The following GSAP variants were observed in gnomAD, a reference collection of about 807,000 sequenced individuals.
GSAP encodes the protein gamma-secretase activating protein.
In GSAP, 118 loss-of-function variants were observed where a neutral mutation model predicts 131.7. The observed-to-expected ratio is 0.90, with a 90% CI of 0.77 to 1.04. The LOEUF is 1.04. Among genes scored for constraint, GSAP ranks in the 50% least tolerant of loss-of-function variants. GSAP has a pLI of 0.00. For missense variants in GSAP, 1,019 were observed against 1,013.2 expected (o/e 1.01, Z -0.08); for synonymous variants, 381 against 363.4 (o/e 1.05, Z -0.55).
intron 26 of GSAP, 114 bp downstream of exon 26, chr7:77,320,611 C>A (rs1159591478): frequency 7.3e-6 from 5 of 683,390 alleles, no homozygotes; most frequent in South Asian, 5.4e-5. Flanking sequence ...ACACCAGATA[C>A]ACAATTTCTC....
In GSAP at chr7:77,374,122, G is replaced by A. The variant is rs1796507474; in HGVS notation, c.819C>T (p.Tyr273=). The A allele has an allele frequency of 6.3e-7, 1 of 1,591,300 alleles. No homozygotes were observed. The change falls in exon 12 of 31, where the codon TAC becomes TAT. Residue 273 remains tyrosine, a synonymous_variant. Coordinates refer to ENST00000257626, the MANE Select transcript of GSAP (RefSeq NM_017439.4). ...TCAGGTGTTTGGAAAATTTATCTCG[G>A]TATTGATGATAATCACATCCAAAGT... The part of the protein sequence containing the change: ...LVNFGCDYHQ[Y]RDKFSKHLTL...
In GSAP at chr7:77,402,616, A is replaced by AAAAAACAAAAAAAAAAAAAAAAAAAAAT. The variant is rs375595494; in HGVS notation, c.243+1942_243+1943insATTTTTTTTTTTTTTTTTTTTTGTTTTT. Among the ~76,000 whole-genome samples the AAAAAACAAAAAAAAAAAAAAAAAAAAAT allele has an allele frequency of 2.5e-5, 2 of 80,422 alleles. 1 individual carries two copies. The highest frequency in any genetic ancestry group is 5.4e-5 in the Non-Finnish European group (2 of 36,856). The allele number at this position is 80,422 out of a possible 152,430, so 52.8% of individuals were successfully genotyped here. On this transcript the variant is annotated intron_variant, in intron 3 of 30. Transcript: ENST00000257626. Reference sequence around the variant, plus strand: ...CTCAAAAAAAAAAAAAAAAAAAAAAAGAATTTTAAAGCCCATCTAGATTTG... The same window carrying AAAAAACAAAAAAAAAAAAAAAAAAAAAT: ...CTCAAAAAAAAAAAAAAAAAAAAAAAAAAAACAAAAAAAAAAAAAAAAAAAAATGAATTTTAAAGCCCATCTAGATTTG...
chr7:77,378,684 G>C lies in GSAP; in HGVS notation c.577-1294C>G, dbSNP rs185365471. Among the ~76,000 whole-genome samples the C allele has an allele frequency of 2.0e-5, 3 of 152,280 alleles. No individual in the cohort carries two copies. In the East Asian group the frequency reaches 5.8e-4, roughly 29 times the overall value. On this transcript the variant is annotated intron_variant, in intron 8 of 30. Coordinates refer to ENST00000257626, the MANE Select transcript of GSAP (RefSeq NM_017439.4). Reference sequence around the variant, plus strand: ...GGTAAGAAAACTGAGGTCCTGAGCAGTTAGATTAGGCTGCATAGTTAGTTC... The same window carrying C: ...GGTAAGAAAACTGAGGTCCTGAGCACTTAGATTAGGCTGCATAGTTAGTTC...
chr7:77,315,361 C>G (rs1204331606), intron 26 of GSAP: 5 of 152,264 alleles, frequency 3.3e-5, no homozygotes, highest in Non-Finnish European at 7.3e-5. Flanking sequence ...AAATTGGAAC[C>G]ACCAGTACCT....
At chr7:77,360,138 T>G (rs1013966873) in intron 14 of GSAP, among the ~76,000 whole-genome samples, 3 of 152,232 alleles carry the variant, frequency 2.0e-5, no homozygotes, top group African/African-American at 7.2e-5. Flanking sequence ...ATCAAAGAAT[T>G]ACATGCTCTA....
At chr7:77,311,470 G>A (rs1297173835) in intron 30 of GSAP, 21 bp from the exon 31 acceptor site, 2 of 1,409,256 alleles carry the variant, frequency 1.4e-6, no homozygotes, top group Non-Finnish European at 2.0e-6. Context: ...ATGGGGAGAG[G>A]GCAGGGAAAA....
In GSAP at chr7:77,374,060, C is replaced by A. The variant is rs1180217885; in HGVS notation, c.871+10G>T. The A allele has an allele frequency of 1.4e-6, 2 of 1,425,658 alleles. No individual in the cohort carries two copies. Among genetic ancestry groups the A allele is most frequent in the South Asian group, 2.4e-5 (2 of 84,698 alleles). 88.3% of individuals were successfully genotyped at this position (1,425,658 alleles called of 1,614,324 possible). A position where few individuals can be genotyped will look rare whatever the true frequency, so the allele number is the denominator to read the frequency against. On this transcript the variant is annotated intron_variant, in intron 12 of 30. Coordinates refer to ENST00000257626, the MANE Select transcript of GSAP (RefSeq NM_017439.4). ...GGTTGAATAAATTGATAAATACAAC[C>A]CTAGTTTACCTGTATGGTTGGTAAA...
intron 5 of GSAP, 142 bp downstream of exon 5, chr7:77,396,840 G>A: frequency 2.1e-6 from 1 of 474,844 alleles, no homozygotes; most frequent in Non-Finnish European, 3.7e-6. Flanking sequence ...TCTTTTTCAT[G>A]CTTGACATGA....
chr7:77,389,942 C>T (rs967867122), intron 5 of GSAP, among the ~76,000 whole-genome samples: 1 of 152,160 alleles, frequency 6.6e-6, no homozygotes, highest in African/African-American at 2.4e-5. Flanking sequence ...CTCTCCAGCA[C>T]CTGTTGTTTC....
intron 1 of GSAP, among the ~76,000 whole-genome samples, chr7:77,411,073 A>G (rs1243012329): frequency 6.7e-6 from 1 of 148,844 alleles, no homozygotes; most frequent in East Asian, 1.9e-4. Flanking sequence ...AAAAGTAAAA[A>G]GGACAGATAG....
intron 19 of GSAP, among the ~76,000 whole-genome samples, chr7:77,334,519 C>T (rs1789645910): frequency 7.1e-6 from 1 of 141,448 alleles, no homozygotes; most frequent in Non-Finnish European, 1.5e-5. Flanking sequence ...ACCACCATGG[C>T]ATGCGTTTAC....
chr7:77,396,681 A>G (rs1027152786), intron 5 of GSAP, among the ~76,000 whole-genome samples: 9 of 152,128 alleles, frequency 5.9e-5, no homozygotes, highest in African/African-American at 2.2e-4. Flanking sequence ...GACTTTCCCT[A>G]TCTTTTATAC....
At chr7:77,405,616 C>A (rs1352340592) in intron 2 of GSAP, among the ~76,000 whole-genome samples, 5 of 152,204 alleles carry the variant, frequency 3.3e-5, no homozygotes, top group African/African-American at 1.2e-4. Context: ...CAGCTCACTG[C>A]AACCTCCTCC....
chr7:77,363,452 G>A (rs1794825846), intron 12 of GSAP, among the ~76,000 whole-genome samples: 1 of 152,246 alleles, frequency 6.6e-6, no homozygotes, highest in Non-Finnish European at 1.5e-5. Context: ...CAGGTAGAAA[G>A]TAACTTGACA....
chr7:77,381,071 T>C (rs1400464810), intron 8 of GSAP, among the ~76,000 whole-genome samples: 2 of 152,190 alleles, frequency 1.3e-5, no homozygotes, highest in Non-Finnish European at 2.9e-5. Context: ...ACACACAGGC[T>C]GTTATTAGCT....
intron 12 of GSAP, among the ~76,000 whole-genome samples, chr7:77,372,816 A>AC (rs1259510524): frequency 6.6e-6 from 1 of 152,248 alleles, no homozygotes; most frequent in East Asian, 1.9e-4. Flanking sequence ...ACAAGGTCCC[A>AC]CATAGCCTGG....
At chr7:77,331,875 T>G (rs565378091) in intron 19 of GSAP, 1 of 146,660 alleles carries the variant, frequency 6.8e-6, no homozygotes, top group Non-Finnish European at 1.5e-5. Context: ...CCTTTGGGTC[T>G]TCTTTGTATT....
intron 3 of GSAP, among the ~76,000 whole-genome samples, chr7:77,398,005 A>C (rs779027675): frequency 1.3e-5 from 2 of 152,244 alleles, no homozygotes; most frequent in Non-Finnish European, 2.9e-5. Flanking sequence ...GTTGTTGTTT[A>C]AAATGTTCAA....
chr7:77,380,641 G>C (rs939335749), intron 8 of GSAP, among the ~76,000 whole-genome samples: 19 of 152,000 alleles, frequency 1.3e-4, no homozygotes, highest in African/African-American at 2.9e-4. Context: ...GGTAAGAGGT[G>C]GGGGTAGGAG....
Sources: gnomAD v4.1 joint callset for allele counts (sites outside exome capture counted in the v4.1 genomes callset) on GRCh38, gnomAD v4.1.1 for gene constraint, MANE v1.5 for transcripts, NCBI Gene and HGNC (gene_info 2026-07-23, HGNC 2026-07-21) for gene names.